NREP: variants seen among roughly 807,000 people sequenced by gnomAD.
NREP encodes the protein neuronal regeneration related protein.
Under a neutral mutation model 8.6 loss-of-function variants are expected in NREP, and 5 were observed. That is an observed-to-expected ratio of 0.58 (90% CI 0.30 to 1.22). The LOEUF (loss-of-function observed/expected upper bound fraction) is 1.22. Ranked by LOEUF, NREP falls within the 50% of genes most tolerant of loss-of-function variation. The probability of loss-of-function intolerance (pLI) is 0.07; values close to 1 mark genes in which losing one functional copy is unlikely to be tolerated. For synonymous variants in NREP, 27 were observed against 28.0 expected, an observed-to-expected ratio of 0.96 and a Z score of 0.11; for missense variants, 86 against 82.5, an observed-to-expected ratio of 1.04 and a Z score of -0.17.
At chr5:111,836,794 T>C (rs1752906393) in intron 2 of NREP, among the ~76,000 whole-genome samples, 1 of 152,062 alleles carries the variant, frequency 6.6e-6, no homozygotes, top group Non-Finnish European at 1.5e-5. Context: ...AAAGAGTATG[T>C]ACATTTTTTG....
intron 2 of NREP, among the ~76,000 whole-genome samples, chr5:111,738,084 C>T (rs890289840): frequency 6.6e-6 from 1 of 152,118 alleles, no homozygotes; most frequent in African/African-American, 2.4e-5. Context: ...CTCAGCATAT[C>T]CCTAGACATA....
intron 2 of NREP, among the ~76,000 whole-genome samples, chr5:111,843,522 T>C (rs1382135053): frequency 6.6e-6 from 1 of 152,142 alleles, no homozygotes; most frequent in Admixed American, 6.6e-5. Context: ...TTTTTAATTC[T>C]TTTTCAGGCA....
At chr5:111,881,318 G>T (rs1007289365) in intron 2 of NREP, among the ~76,000 whole-genome samples, 7 of 152,204 alleles carry the variant, frequency 4.6e-5, no homozygotes, top group African/African-American at 1.7e-4. Context: ...AAACAAAGCA[G>T]CCTGGGAAGC....
chr5:111,818,488 G>A (rs1350924183), intron 2 of NREP, among the ~76,000 whole-genome samples: 1 of 151,988 alleles, frequency 6.6e-6, no homozygotes, highest in Non-Finnish European at 1.5e-5. Context: ...TTTGTTGTCT[G>A]TTTTGTTCTG....
In NREP at chr5:111,781,815, C is replaced by T. The variant is rs949762189; in HGVS notation, c.136-46308G>A. On this transcript the variant is annotated intron_variant, in intron 2 of 3. Coordinates refer to the NREP transcript ENST00000395634. ...CTTTAGCCTGAAAGACAAAGGCTAT[C>T]GGGGCCAAGGGGAGGTGGGGAAGAA... Among the ~76,000 whole-genome samples, 7 of 152,148 alleles carry T rather than the reference C, an allele frequency of 4.6e-5. 1 individual carries two copies. The highest frequency in any genetic ancestry group is 4.2e-4 in the South Asian group (2 of 4,816).
chr5:111,763,259 G>T (rs752422770), intron 2 of NREP, among the ~76,000 whole-genome samples: 3 of 152,108 alleles, frequency 2.0e-5, no homozygotes, highest in Non-Finnish European at 4.4e-5. Flanking sequence ...TTGACACTGG[G>T]GATGCTGACA....
chr5:111,974,068 A>T (rs971456876), intron 2 of NREP, among the ~76,000 whole-genome samples: 17 of 152,328 alleles, frequency 1.1e-4, no homozygotes, highest in Admixed American at 4.6e-4. Flanking sequence ...TACACAAGCT[A>T]AAAAATGCTC....
At chr5:111,940,583 C>G (rs975146335) in intron 2 of NREP, among the ~76,000 whole-genome samples, 2 of 152,056 alleles carry the variant, frequency 1.3e-5, no homozygotes, top group African/African-American at 4.8e-5. Flanking sequence ...ACACACCACT[C>G]ATCACCCAAC....
chr5:111,759,410 T>C (rs1331152924), upstream of NREP, among the ~76,000 whole-genome samples: 7 of 143,384 alleles, frequency 4.9e-5, no homozygotes, highest in South Asian at 1.4e-3. Context: ...TTTTTCTTTC[T>C]TTCTTTCTTT....
intron 2 of NREP, among the ~76,000 whole-genome samples, chr5:111,915,509 C>G (rs1581214957): frequency 1.3e-5 from 2 of 152,030 alleles, no homozygotes; most frequent in South Asian, 2.1e-4. Flanking sequence ...GAAACCGGAA[C>G]TCAAAAGCAC....
At chr5:111,952,800 C>A (rs1355719288) in intron 2 of NREP, among the ~76,000 whole-genome samples, 1 of 152,004 alleles carries the variant, frequency 6.6e-6, no homozygotes, top group African/African-American at 2.4e-5. Flanking sequence ...AAGATGTTAC[C>A]ATTGGGGAAA....
upstream of NREP, among the ~76,000 whole-genome samples, chr5:111,760,958 C>G (rs995860762): frequency 6.6e-6 from 1 of 152,148 alleles, no homozygotes; most frequent in African/African-American, 2.4e-5. Context: ...ATTCCTGCAA[C>G]TTTATTAATT....
At chr5:111,945,981 C>T (rs1413211352) in intron 2 of NREP, among the ~76,000 whole-genome samples, 1 of 151,814 alleles carries the variant, frequency 6.6e-6, no homozygotes, top group Non-Finnish European at 1.5e-5. Flanking sequence ...ACCCAGGACA[C>T]ATTGCCATTC....
intron 2 of NREP, among the ~76,000 whole-genome samples, chr5:111,832,824 A>T (rs576745618): frequency 6.6e-6 from 1 of 152,330 alleles, no homozygotes; most frequent in East Asian, 1.9e-4. Context: ...ATTCCATGGT[A>T]GGACAAATGC....
At chr5:111,902,806 A>C (rs1168114072) in intron 2 of NREP, among the ~76,000 whole-genome samples, 4 of 152,124 alleles carry the variant, frequency 2.6e-5, no homozygotes, top group Non-Finnish European at 5.9e-5. Flanking sequence ...TGAGAGTTTC[A>C]ATGGGAAATT....
At chr5:111,959,425 T>C (rs1276390960) in intron 2 of NREP, among the ~76,000 whole-genome samples, 1 of 152,022 alleles carries the variant, frequency 6.6e-6, no homozygotes, top group Non-Finnish European at 1.5e-5. Context: ...GCTGTATACA[T>C]ACATGTGTAC....
intron 2 of NREP, among the ~76,000 whole-genome samples, chr5:111,930,239 A>C (rs1028932191): frequency 2.0e-5 from 3 of 152,130 alleles, no homozygotes; most frequent in Non-Finnish European, 4.4e-5. Context: ...TAAGGCAACC[A>C]AGTTAACTGA....
chr5:111,948,982 A>G (rs1756075227), intron 2 of NREP: 4 of 152,084 alleles, frequency 2.6e-5, no homozygotes, highest in Admixed American at 2.6e-4. Flanking sequence ...AAACACAAGG[A>G]AAAACAATGA....
rs58877839 is a variant in NREP at position 111,964,855 on chromosome 5, C to CAAAA, written c.135+10415_135+10418dup. Among the ~76,000 whole-genome samples, 198 of 44,838 alleles carry CAAAA rather than the reference C, an allele frequency of 4.4e-3. 16 individuals carry two copies. The highest frequency in any genetic ancestry group is 5.6e-3 in the Non-Finnish European group (121 of 21,490). The allele number at this position is 44,838 out of a possible 152,430, so 29.4% of individuals were successfully genotyped here. On this transcript the variant is annotated intron_variant, in intron 2 of 3. Transcript: ENST00000395634. ...AGTCTACTTAGAATGCTTTCAGCAG[C>CAAAA]AAAAAAAAAAAAAAAAAAAAAAAAA...
Sources: allele counts gnomAD v4.1 joint callset (sites outside exome capture counted in the v4.1 genomes callset), GRCh38; gene constraint gnomAD v4.1.1; transcripts MANE v1.5; gene names NCBI Gene and HGNC (gene_info 2026-07-23, HGNC 2026-07-21).